Variants in ACBD6 observed in about 807,000 individuals in gnomAD.
The protein encoded by ACBD6 is acyl-CoA binding domain containing 6.
A neutral mutation model predicts 37.2 loss-of-function variants in ACBD6; 28 were observed. The ratio of observed to expected loss-of-function variants is 0.75; its 90% CI spans 0.56 to 1.03. ACBD6 has a LOEUF of 1.03. Among genes scored for constraint, ACBD6 ranks in the 50% least tolerant of loss-of-function variants. The probability of loss-of-function intolerance (pLI) is 0.00; values close to 1 mark genes in which losing one functional copy is unlikely to be tolerated. For missense variants in ACBD6, 340 were observed against 337.4 expected, an observed-to-expected ratio of 1.01 and a Z score of -0.06; for synonymous variants, 113 against 126.8, an observed-to-expected ratio of 0.89 and a Z score of 0.73.
chr1:180,441,192 G>T (rs2102013361), intron 3 of ACBD6, among the ~76,000 whole-genome samples: 1 of 151,566 alleles, frequency 6.6e-6, no homozygotes, highest in East Asian at 1.9e-4. Flanking sequence ...CTACATCCCT[G>T]CCAAAACTTG....
chr1:180,499,413 A>G (rs543952375), intron 1 of ACBD6, among the ~76,000 whole-genome samples: 1 of 152,218 alleles, frequency 6.6e-6, no homozygotes, highest in South Asian at 2.1e-4. Context: ...ATCTCTAAAC[A>G]CCATAAAGTC....
chr1:180,399,266 A>T (rs1013194634), intron 5 of ACBD6, among the ~76,000 whole-genome samples: 3 of 151,738 alleles, frequency 2.0e-5, no homozygotes, highest in Non-Finnish European at 4.4e-5. Flanking sequence ...GTTATTTTTT[A>T]TTTATTTATT....
intron 7 of ACBD6, among the ~76,000 whole-genome samples, chr1:180,302,659 G>A (rs1650177830): frequency 6.6e-6 from 1 of 151,800 alleles, no homozygotes; most frequent in South Asian, 2.1e-4. Context: ...AATAATGGGA[G>A]ACTTTAACAC....
chr1:180,468,487 T>G (rs916024023), intron 3 of ACBD6, among the ~76,000 whole-genome samples: 5 of 152,238 alleles, frequency 3.3e-5, no homozygotes, highest in Admixed American at 6.5e-5. Context: ...TGGGTTTATT[T>G]TCTCATGCTC....
At chr1:180,468,208 T>C (rs1482466450) in intron 3 of ACBD6, among the ~76,000 whole-genome samples, 3 of 152,202 alleles carry the variant, frequency 2.0e-5, no homozygotes, top group African/African-American at 7.2e-5. Context: ...TGCCTATCCT[T>C]GGGCAAAGTT....
intron 3 of ACBD6, among the ~76,000 whole-genome samples, chr1:180,476,004 G>C (rs1424021217): frequency 6.6e-6 from 1 of 152,106 alleles, no homozygotes; most frequent in Non-Finnish European, 1.5e-5. Context: ...GGGACAACTG[G>C]AAGATAACAT....
intron 3 of ACBD6, among the ~76,000 whole-genome samples, chr1:180,452,420 G>A (rs1166850219): frequency 6.6e-6 from 1 of 151,902 alleles, no homozygotes; most frequent in Non-Finnish European, 1.5e-5. Flanking sequence ...GTGGTGAGCC[G>A]AGATCATGCC....
At chr1:180,363,769 G>A (rs1169755332) in intron 6 of ACBD6, among the ~76,000 whole-genome samples, 2 of 152,250 alleles carry the variant, frequency 1.3e-5, no homozygotes, top group Admixed American at 1.3e-4. Context: ...TGAACCTATG[G>A]TGCACTTCCT....
At chr1:180,352,164 T>C (rs568841104) in intron 6 of ACBD6, among the ~76,000 whole-genome samples, 1 of 152,256 alleles carries the variant, frequency 6.6e-6, no homozygotes, top group Non-Finnish European at 1.5e-5. Context: ...ATTTATTGTT[T>C]AATGAGCACA....
At chr1:180,323,064 A>G (rs1651133623) in intron 6 of ACBD6, among the ~76,000 whole-genome samples, 1 of 151,784 alleles carries the variant, frequency 6.6e-6, no homozygotes, top group Non-Finnish European at 1.5e-5. Flanking sequence ...CGTTTTCACC[A>G]TTGTTAAAGA....
At chr1:180,303,262 G>C (rs867949410) in intron 7 of ACBD6, among the ~76,000 whole-genome samples, 2,958 of 150,484 alleles carry the variant, frequency 0.02, 98 homozygotes, top group African/African-American at 0.067. Context: ...GATCAGAGCA[G>C]AACTGAAGGA....
chr1:180,300,719 T>A (rs1255187007), intron 7 of ACBD6, among the ~76,000 whole-genome samples: 1 of 152,132 alleles, frequency 6.6e-6, no homozygotes, highest in Non-Finnish European at 1.5e-5. Context: ...GATTTTTGAA[T>A]CAGGGATAAT....
intron 7 of ACBD6, among the ~76,000 whole-genome samples, chr1:180,293,608 A>G (rs777772763): frequency 4.6e-5 from 7 of 152,104 alleles, no homozygotes; most frequent in Admixed American, 1.3e-4. Flanking sequence ...TGCCTGGCCA[A>G]TTTCATCCTT....
intron 6 of ACBD6, among the ~76,000 whole-genome samples, chr1:180,380,458 A>G (rs553044675): frequency 4.6e-5 from 7 of 152,156 alleles, no homozygotes; most frequent in Non-Finnish European, 8.8e-5. Flanking sequence ...GCCCAAGGAT[A>G]TTATACCCAG....
At chr1:180,478,731 A>C (rs1571562464) in intron 3 of ACBD6, among the ~76,000 whole-genome samples, 1 of 152,160 alleles carries the variant, frequency 6.6e-6, no homozygotes, top group African/African-American at 2.4e-5. Context: ...TGATCTGCCC[A>C]CCTTGGCCTC....
At chr1:180,320,931 G>T (rs1315119730) in intron 6 of ACBD6, among the ~76,000 whole-genome samples, 2 of 152,116 alleles carry the variant, frequency 1.3e-5, no homozygotes, top group African/African-American at 4.8e-5. Context: ...TGAGATCTCA[G>T]ATCTAAGTCT....
chr1:180,368,649 T>C (rs1286744235), intron 6 of ACBD6, among the ~76,000 whole-genome samples: 3 of 152,054 alleles, frequency 2.0e-5, no homozygotes, highest in African/African-American at 7.2e-5. Flanking sequence ...TTCAGGGGGA[T>C]GCATTTCAAA....
intron 6 of ACBD6, among the ~76,000 whole-genome samples, chr1:180,322,582 T>G (rs1160246258): frequency 6.6e-6 from 1 of 152,092 alleles, no homozygotes; most frequent in African/African-American, 2.4e-5. Flanking sequence ...TCAATCTTGG[T>G]AGGTTGTATG....
At chr1:180,330,331 G>C (rs999938792) in intron 6 of ACBD6, among the ~76,000 whole-genome samples, 3 of 151,318 alleles carry the variant, frequency 2.0e-5, no homozygotes, top group Non-Finnish European at 2.9e-5. Flanking sequence ...GAGGTGGGAG[G>C]ATCTCCTGAG....
Sources: gnomAD v4.1 joint callset for allele counts (sites outside exome capture counted in the v4.1 genomes callset) on GRCh38, gnomAD v4.1.1 for gene constraint, MANE v1.5 for transcripts, NCBI Gene and HGNC (gene_info 2026-07-23, HGNC 2026-07-21) for gene names.